Variants in ATP9B observed in about 807,000 individuals in gnomAD.
The protein encoded by ATP9B is ATPase phospholipid transporting 9B.
ATP9B carries 110 observed loss-of-function variants against 146.1 expected under a neutral mutation model. That is an observed-to-expected ratio of 0.75 (90% CI 0.65 to 0.88). The LOEUF (loss-of-function observed/expected upper bound fraction) is 0.88. ATP9B is among the 40% of genes least tolerant of loss of function. The pLI, the probability that ATP9B is intolerant of heterozygous loss-of-function variation, is 0.00. For synonymous variants in ATP9B, 604 were observed against 569.7 expected (o/e 1.06, Z -0.86); for missense variants, 1,499 against 1,496.4 (o/e 1.00, Z -0.03).
intron 8 of ATP9B, among the ~76,000 whole-genome samples, chr18:79,192,402 T>C (rs570405431): frequency 3.1e-4 from 47 of 152,256 alleles, no homozygotes; most frequent in African/African-American, 1.1e-3. Flanking sequence ...CTCCCAGGAC[T>C]CAGCATATGA....
chr18:79,152,439 C>T lies in ATP9B; in HGVS notation c.727-2065C>T, dbSNP rs140827586. ...TGGAGTCTTTTGTTAGTTATATATG[C>T]GTTGCAGATATCTTCTTTCCTGGCA... is the stretch of plus-strand genomic sequence containing the variant. On this transcript the variant is annotated intron_variant, in intron 6 of 29. Coordinates refer to ENST00000426216, the MANE Select transcript of ATP9B (RefSeq NM_198531.5). Among the ~76,000 whole-genome samples, 425 of 152,186 alleles carry T rather than the reference C, an allele frequency of 2.8e-3. 6 individuals carry two copies. Among genetic ancestry groups the T allele is most frequent in the African/African-American group, 9.6e-3 (397 of 41,500 alleles).
intron 5 of ATP9B, among the ~76,000 whole-genome samples, chr18:79,139,186 G>A (rs371163120): frequency 2.0e-5 from 3 of 152,126 alleles, no homozygotes; most frequent in South Asian, 4.1e-4. Context: ...GCCTTAATCC[G>A]TTATGACATT....
chr18:79,246,704 C>G (rs1443639812), intron 11 of ATP9B, among the ~76,000 whole-genome samples: 1 of 152,226 alleles, frequency 6.6e-6, no homozygotes, highest in African/African-American at 2.4e-5. Context: ...CGCGCTCCCC[C>G]TGCTGGCCGC....
intron 8 of ATP9B, among the ~76,000 whole-genome samples, chr18:79,182,621 C>T (rs1568350137): frequency 7.2e-6 from 1 of 138,710 alleles, no homozygotes; most frequent in Non-Finnish European, 1.5e-5. Context: ...TGTCCATTTT[C>T]CAGTTGTTTT....
chr18:79,111,387 C>T (rs1430119481), intron 3 of ATP9B, among the ~76,000 whole-genome samples: 1 of 151,758 alleles, frequency 6.6e-6, no homozygotes, highest in East Asian at 1.9e-4. Flanking sequence ...ATTGATTTTA[C>T]TCCCACCCCC....
chr18:79,326,807 AG>A lies in ATP9B; in HGVS notation c.1774-2331del, dbSNP rs1466880393. ...GGTCTGCCCACGAGTGCATGTCTGG[AG>A]GGCTCCTGTGAGAAAGCTGAGGGTA... On this transcript the variant is annotated intron_variant, in intron 15 of 29. Transcript: ENST00000426216. 2.6e-5 allele frequency among the ~76,000 whole-genome samples: 4 copies of A among 152,170 alleles called. No homozygotes were observed. In the East Asian group the frequency reaches 7.7e-4, roughly 29 times the overall value.
chr18:79,167,966 G>A (rs1473944657), intron 7 of ATP9B, among the ~76,000 whole-genome samples: 3 of 152,234 alleles, frequency 2.0e-5, no homozygotes, highest in African/African-American at 4.8e-5. Context: ...GGCGCCCAAA[G>A]TCTGGAGAGG....
intron 13 of ATP9B, among the ~76,000 whole-genome samples, chr18:79,293,293 A>G (rs962448512): frequency 1.3e-5 from 2 of 152,102 alleles, no homozygotes; most frequent in African/African-American, 2.4e-5. Context: ...TACAGTTTGA[A>G]TGTTTGCCCC....
intron 20 of ATP9B, chr18:79,343,931 CCCAAA>C (rs2096872185): frequency 2.6e-6 from 1 of 378,438 alleles, no homozygotes; most frequent in African/African-American, 2.1e-5. Flanking sequence ...CAATTACCCT[CCCAAA>C]CTATCCAGAA....
Position 79,246,542 on chromosome 18 carries a change from A to G in ATP9B, c.1108-6839A>G, listed in dbSNP as rs144748176. Among the ~76,000 whole-genome samples the G allele has an allele frequency of 2.6e-4, 39 of 152,356 alleles. 1 individual carries two copies. In the East Asian group the frequency reaches 2.9e-3, roughly 11 times the overall value. ...TTCAAGTATGTAGATTCTGGCCAGC[A>G]TTCTGCGTGACAAAACATAAATTTA... On this transcript the variant is annotated intron_variant, in intron 11 of 29. Coordinates refer to ENST00000426216, the MANE Select transcript of ATP9B (RefSeq NM_198531.5).
At chr18:79,277,794 G>A (rs2096330269) in intron 13 of ATP9B, among the ~76,000 whole-genome samples, 1 of 152,034 alleles carries the variant, frequency 6.6e-6, no homozygotes, top group African/African-American at 2.4e-5. Context: ...ACATCTGAGG[G>A]CTAAAATTCC....
chr18:79,121,028 C>T (rs2094179400), intron 4 of ATP9B, among the ~76,000 whole-genome samples: 1 of 152,152 alleles, frequency 6.6e-6, no homozygotes, highest in South Asian at 2.1e-4. Flanking sequence ...CACTTTGTGT[C>T]TCAATTCCCT....
In ATP9B at chr18:79,373,980, C is replaced by A; in HGVS notation, c.3153C>A (p.Ile1051=). The A allele has an allele frequency of 6.2e-7, 1 of 1,614,098 alleles. No individual in the cohort carries two copies. Among genetic ancestry groups the A allele is most frequent in the Non-Finnish European group, 8.5e-7 (1 of 1,180,040 alleles). Residue 1051 remains isoleucine, a synonymous_variant, in exon 28 of 30, where the codon ATC becomes ATA. Coordinates refer to ENST00000426216, the MANE Select transcript of ATP9B (RefSeq NM_198531.5). ...TGGCCATCTCCTTCACCGCACTGAT[C>A]CTGACCGAGCTGCTGATGGTGGCGC... ...HVVAISFTAL[I]LTELLMVALT... is the part of the protein sequence containing the mutation.
intron 11 of ATP9B, among the ~76,000 whole-genome samples, chr18:79,238,700 G>C (rs1156496332): frequency 6.6e-6 from 1 of 152,170 alleles, no homozygotes; most frequent in Non-Finnish European, 1.5e-5. Flanking sequence ...CACGCTTCCT[G>C]TCTCTACCCT....
intron 7 of ATP9B, among the ~76,000 whole-genome samples, chr18:79,158,697 A>G (rs2094832607): frequency 6.6e-6 from 1 of 152,238 alleles, no homozygotes; most frequent in Non-Finnish European, 1.5e-5. Context: ...GTTGGAGAAC[A>G]TACTTTATAT....
At chr18:79,291,225 A>G (rs1463133947) in intron 13 of ATP9B, among the ~76,000 whole-genome samples, 1 of 151,992 alleles carries the variant, frequency 6.6e-6, no homozygotes, top group East Asian at 1.9e-4. Context: ...CTGTCTATAT[A>G]GCTACATACC....
At chr18:79,111,035 G>A (rs906714937) in intron 3 of ATP9B, among the ~76,000 whole-genome samples, 9 of 151,876 alleles carry the variant, frequency 5.9e-5, no homozygotes, top group South Asian at 2.1e-4. Flanking sequence ...TTGTTATATC[G>A]TTAGTTATCT....
chr18:79,309,561 A>T (rs1363682633), intron 15 of ATP9B, among the ~76,000 whole-genome samples: 11 of 121,486 alleles, frequency 9.1e-5, no homozygotes, highest in African/African-American at 3.1e-4. Flanking sequence ...CCCAGCAGGT[A>T]GAAGGTCAGG....
chr18:79,209,354 A>G (rs975294824), intron 10 of ATP9B, among the ~76,000 whole-genome samples: 1 of 152,348 alleles, frequency 6.6e-6, no homozygotes, highest in South Asian at 2.1e-4. Context: ...TGAAGATAGT[A>G]ATGCTTCCCT....
Sources: gnomAD v4.1 joint callset for allele counts (sites outside exome capture counted in the v4.1 genomes callset) on GRCh38, gnomAD v4.1.1 for gene constraint, MANE v1.5 for transcripts, NCBI Gene and HGNC (gene_info 2026-07-23, HGNC 2026-07-21) for gene names.